EPG5: variants seen among roughly 807,000 people sequenced by gnomAD.
EPG5 encodes the protein ectopic P granules protein 5 homolog.
EPG5 carries 159 observed loss-of-function variants against 302.7 expected under a neutral mutation model. The ratio of observed to expected loss-of-function variants is 0.53; its 90% CI spans 0.46 to 0.60. The LOEUF is 0.60. EPG5 is among the 20% of genes least tolerant of loss of function. The pLI is 0.00. For synonymous variants in EPG5, 1,158 were observed against 1,136.8 expected (o/e 1.02, Z -0.37); for missense variants, 2,896 against 3,092.4 (o/e 0.94, Z 1.51).
intron 1 of EPG5, among the ~76,000 whole-genome samples, chr18:45,966,648 A>G (rs765859968): frequency 4.6e-5 from 7 of 152,116 alleles, no homozygotes; most frequent in Non-Finnish European, 1.0e-4. Context: ...CTTATAAACA[A>G]TCAAGACAAT....
intron 9 of EPG5, among the ~76,000 whole-genome samples, chr18:45,942,340 C>T (rs1420938278): frequency 3.9e-5 from 6 of 152,126 alleles, no homozygotes; most frequent in Admixed American, 3.9e-4. Flanking sequence ...CGGTGGCTCA[C>T]ACCTGTAATC....
intron 17 of EPG5, among the ~76,000 whole-genome samples, chr18:45,917,191 C>T (rs1205949810): frequency 6.6e-6 from 1 of 152,196 alleles, no homozygotes; most frequent in Non-Finnish European, 1.5e-5. Flanking sequence ...GCCTCACCTC[C>T]CCTTTCATCA....
intron 27 of EPG5, among the ~76,000 whole-genome samples, chr18:45,898,409 G>A (rs1247167586): frequency 6.6e-6 from 1 of 152,238 alleles, no homozygotes; most frequent in African/African-American, 2.4e-5. Context: ...TATTTAAAGT[G>A]TTTAGACAGG....
chr18:45,953,166 C>A (rs1195234841), intron 2 of EPG5: 1 of 469,182 alleles, frequency 2.1e-6, no homozygotes, highest in African/African-American at 2.1e-5. Context: ...GAGCTAGACT[C>A]CATCTAAAAA....
At chr18:45,926,489 T>C (rs1243456437) in intron 13 of EPG5, among the ~76,000 whole-genome samples, 2 of 152,156 alleles carry the variant, frequency 1.3e-5, no homozygotes, top group Admixed American at 6.5e-5. Context: ...TTACAGAAAG[T>C]CTACAGCACT....
At chr18:45,901,705 T>A (rs985988249) in intron 25 of EPG5, among the ~76,000 whole-genome samples, 1 of 152,082 alleles carries the variant, frequency 6.6e-6, no homozygotes, top group African/African-American at 2.4e-5. Flanking sequence ...ATATAGTCCA[T>A]CAGTCATTTA....
At chr18:45,853,912 T>TG (rs2048463354) in intron 43 of EPG5, among the ~76,000 whole-genome samples, 1 of 152,216 alleles carries the variant, frequency 6.6e-6, no homozygotes, top group Non-Finnish European at 1.5e-5. Context: ...TTTGACAGTT[T>TG]GCCTAACGAT....
the EPG5 span, among the ~76,000 whole-genome samples, chr18:45,806,561 C>T: frequency 2.6e-5 from 4 of 152,142 alleles, no homozygotes; most frequent in East Asian, 7.7e-4. Context: ...CCCCTGAACA[C>T]ACCTCCCCAC....
chr18:45,947,938 C>A (rs1382167070), intron 6 of EPG5, among the ~76,000 whole-genome samples: 1 of 152,074 alleles, frequency 6.6e-6, no homozygotes, highest in East Asian at 1.9e-4. Flanking sequence ...CCATGCCCGG[C>A]TAATTTTTGT....
At chr18:45,906,661 T>A (rs2049758692) in intron 24 of EPG5, among the ~76,000 whole-genome samples, 1 of 151,404 alleles carries the variant, frequency 6.6e-6, no homozygotes, top group African/African-American at 2.5e-5. Context: ...CGTAATTTTT[T>A]TTTTTTTTTA....
In EPG5 at chr18:45,917,805, C is replaced by T. The variant is rs2050066834; in HGVS notation, c.3113G>A (p.Cys1038Tyr). The T allele has an allele frequency of 1.2e-6, 2 of 1,614,104 alleles. No individual in the cohort carries two copies. Among genetic ancestry groups the T allele is most frequent in the Non-Finnish European group, 1.7e-6 (2 of 1,179,994 alleles). ...TCCCAATAGTGGGATGCCTTCTGCA[C>T]AGAACTTCTCAATGCTATGGAAAAA... is the stretch of plus-strand genomic sequence containing the variant. ...TAVGHSIEKF[C>Y]AEGIPLLGIL... The change falls in exon 17 of 44, where the codon TGT (cysteine) becomes TAT (tyrosine). Residue 1038 changes from cysteine (C) to tyrosine (Y), a missense_variant. By Grantham distance (194) the Cys-to-Tyr change is radical (BLOSUM62 -2). Transcript: ENST00000282041.
chr18:45,807,704 C>T, the EPG5 span, among the ~76,000 whole-genome samples: 1 of 152,092 alleles, frequency 6.6e-6, no homozygotes, highest in Non-Finnish European at 1.5e-5. Flanking sequence ...AAGGGAACAC[C>T]CTGTGGGACA....
intron 27 of EPG5, among the ~76,000 whole-genome samples, chr18:45,892,157 T>C (rs774696296): frequency 6.6e-6 from 1 of 152,244 alleles, no homozygotes; most frequent in Non-Finnish European, 1.5e-5. Flanking sequence ...TTCCATGTTG[T>C]AGAAACTACT....
At chr18:45,883,012 C>CAAAA (rs35030980) in intron 30 of EPG5, among the ~76,000 whole-genome samples, 12 of 87,436 alleles carry the variant, frequency 1.4e-4, no homozygotes, top group African/African-American at 3.4e-4. Context: ...CGTCTCACAA[C>CAAAA]AAAAAAAAAA....
intron 26 of EPG5, among the ~76,000 whole-genome samples, chr18:45,900,713 T>G (rs913502144): frequency 8.5e-5 from 13 of 152,184 alleles, no homozygotes; most frequent in Non-Finnish European, 2.9e-5. Context: ...TCAGAAGATC[T>G]CTTCATGAGA....
intron 42 of EPG5, 61 bp from the exon 43 acceptor site, chr18:45,855,748 A>G: frequency 9.6e-7 from 1 of 1,040,466 alleles, no homozygotes. Context: ...ATTTTGAAAT[A>G]AACACCATAT....
the EPG5 span, among the ~76,000 whole-genome samples, chr18:45,817,839 T>C: frequency 2.0e-5 from 3 of 152,138 alleles, no homozygotes; most frequent in Admixed American, 6.6e-5. Context: ...TCATTAGAGG[T>C]GAGTCAATAA....
At position 45,887,788 on chromosome 18, in the gene EPG5, C is replaced by T. The variant is rs2049250349; in HGVS notation, c.5072G>A (p.Arg1691Lys). Residue 1691 changes from arginine (R) to lysine (K), a missense_variant, in exon 29 of 44, where the codon AGG (arginine) becomes AAG (lysine). Coordinates refer to ENST00000282041, the MANE Select transcript of EPG5 (RefSeq NM_020964.3). ...CTCAATACATGAAGTAAAGAACTGC[C>T]TTGTTGGGGGATGACGCTGCGTCTC... The part of the protein sequence containing the change: ...SDETQRHPPT[R>K]QFFTSCIEIL... 1 of 1,595,156 alleles carries T rather than the reference C, an allele frequency of 6.3e-7. No individual in the cohort carries two copies. Among genetic ancestry groups the T allele is most frequent in the Non-Finnish European group, 8.6e-7 (1 of 1,165,994 alleles).
intron 10 of EPG5, among the ~76,000 whole-genome samples, chr18:45,936,722 A>G (rs558579271): frequency 5.0e-4 from 74 of 146,670 alleles, no homozygotes; most frequent in African/African-American, 1.8e-3. Flanking sequence ...CTCCATTTCA[A>G]AAAAAAAAAA....
Sources: gnomAD v4.1 joint callset for allele counts (sites outside exome capture counted in the v4.1 genomes callset) on GRCh38, gnomAD v4.1.1 for gene constraint, MANE v1.5 for transcripts, NCBI Gene and HGNC (gene_info 2026-07-23, HGNC 2026-07-21) for gene names.